Variants in FAM163A observed in about 807,000 individuals in gnomAD.
FAM163A encodes the protein family with sequence similarity 163 member A.
FAM163A carries 7 observed loss-of-function variants against 12.0 expected under a neutral mutation model. The observed-to-expected ratio is 0.58, with a 90% CI of 0.33 to 1.10. The LOEUF (loss-of-function observed/expected upper bound fraction) is 1.10, where lower values mean the gene tolerates loss of function less well. FAM163A is among the 50% of genes least tolerant of loss of function. FAM163A has a pLI of 0.03. For missense variants in FAM163A, 202 were observed against 218.6 expected (o/e 0.92, Z 0.48); for synonymous variants, 101 against 91.0 (o/e 1.11, Z -0.62).
upstream of FAM163A, among the ~76,000 whole-genome samples, chr1:179,738,406 C>T (rs1683242711): frequency 6.6e-6 from 1 of 151,954 alleles, no homozygotes. Context: ...ATAATAAAAG[C>T]AAAAATATCA....
At position 179,814,991 on chromosome 1, in the gene FAM163A, A is replaced by C. The variant is rs560905771; in HGVS notation, c.*802A>C. ...TTTGTTAGCCGACTTCTGGTAGCTTAGCAAAGAGACCAGCTGACTGTCTCT... is the reference window on the plus strand; with the variant it reads ...TTTGTTAGCCGACTTCTGGTAGCTTCGCAAAGAGACCAGCTGACTGTCTCT... On this transcript the variant is annotated 3_prime_UTR_variant, in exon 5 of 5. Transcript: ENST00000341785. 6.6e-6 allele frequency: 1 copy of C among 152,162 alleles called. No individual in the cohort carries two copies. 9.4% of individuals were successfully genotyped at this position (152,162 alleles called of 1,614,324 possible). A position where few individuals can be genotyped will look rare whatever the true frequency, so the allele number is the denominator to read the frequency against.
chr1:179,757,685 G>C (rs1192957420), intron 1 of FAM163A, among the ~76,000 whole-genome samples: 1 of 152,172 alleles, frequency 6.6e-6, no homozygotes, highest in East Asian at 1.9e-4. Flanking sequence ...GGTGGCACAT[G>C]CCTGTAATCC....
upstream of FAM163A, among the ~76,000 whole-genome samples, chr1:179,738,872 A>C (rs1457071175): frequency 6.6e-6 from 1 of 152,228 alleles, no homozygotes; most frequent in Non-Finnish European, 1.5e-5. Context: ...ACAATTTTGA[A>C]TAGAAGGAAT....
chr1:179,742,986 C>T (rs1205307434), upstream of FAM163A, among the ~76,000 whole-genome samples: 1 of 152,266 alleles, frequency 6.6e-6, no homozygotes, highest in African/African-American at 2.4e-5. Context: ...GATTCTCATG[C>T]TCTCCGAATT....
intron 1 of FAM163A, among the ~76,000 whole-genome samples, chr1:179,795,511 C>T (rs890796421): frequency 1.3e-5 from 2 of 152,242 alleles, no homozygotes; most frequent in Non-Finnish European, 2.9e-5. Flanking sequence ...CTCTCCCACA[C>T]TCCCTTGCTC....
At chr1:179,732,214 C>G in the FAM163A span, among the ~76,000 whole-genome samples, 244 of 152,326 alleles carry the variant, frequency 1.6e-3, no homozygotes, top group Non-Finnish European at 3.0e-3. Flanking sequence ...GAAATTGCTC[C>G]TTTCTCATTT....
intron 1 of FAM163A, among the ~76,000 whole-genome samples, chr1:179,757,451 A>C (rs1686187714): frequency 6.6e-6 from 1 of 152,162 alleles, no homozygotes. Context: ...GGGGGTAGGA[A>C]GCTTAAATCA....
intron 1 of FAM163A, among the ~76,000 whole-genome samples, chr1:179,768,035 T>C (rs764746189): frequency 6.7e-6 from 1 of 149,418 alleles, no homozygotes; most frequent in African/African-American, 2.5e-5. Flanking sequence ...GCCACCACAT[T>C]TTCTACTTTG....
chr1:179,769,727 C>T (rs1030215727), intron 1 of FAM163A, among the ~76,000 whole-genome samples: 2 of 152,216 alleles, frequency 1.3e-5, no homozygotes, highest in East Asian at 1.9e-4. Context: ...TGGAGCAGGC[C>T]GTGCTCTGGG....
intron 1 of FAM163A, among the ~76,000 whole-genome samples, chr1:179,755,174 C>G (rs1032174333): frequency 1.5e-4 from 13 of 84,782 alleles, no homozygotes; most frequent in Admixed American, 1.1e-3. Flanking sequence ...CTAAAGAATT[C>G]TCCCACTCTA....
intron 1 of FAM163A, among the ~76,000 whole-genome samples, chr1:179,760,944 G>A (rs1044261130): frequency 4.6e-5 from 7 of 152,142 alleles, no homozygotes; most frequent in Non-Finnish European, 8.8e-5. Context: ...TCTCTTCTAC[G>A]CCATGTGCCC....
chr1:179,759,776 C>G (rs1686555166), intron 1 of FAM163A, among the ~76,000 whole-genome samples: 1 of 152,134 alleles, frequency 6.6e-6, no homozygotes, highest in Admixed American at 6.5e-5. Flanking sequence ...AAGTGATTCT[C>G]CTGCCTCAGC....
intron 1 of FAM163A, among the ~76,000 whole-genome samples, chr1:179,754,053 C>T (rs1050181328): frequency 3.9e-5 from 6 of 152,240 alleles, no homozygotes; most frequent in African/African-American, 7.2e-5. Context: ...TTCTCCCAGG[C>T]GGGTGATACC....
At chr1:179,801,922 A>G (rs1366664969) in intron 1 of FAM163A, among the ~76,000 whole-genome samples, 1 of 152,196 alleles carries the variant, frequency 6.6e-6, no homozygotes, top group Non-Finnish European at 1.5e-5. Context: ...AAATATACCC[A>G]CAGGATACCT....
upstream of FAM163A, among the ~76,000 whole-genome samples, chr1:179,740,517 T>C (rs1004599834): frequency 3.9e-5 from 6 of 152,098 alleles, no homozygotes; most frequent in Admixed American, 1.3e-4. Flanking sequence ...AAGCTGGTGG[T>C]ACATGCATAC....
intron 1 of FAM163A, among the ~76,000 whole-genome samples, chr1:179,777,298 T>C (rs1009011583): frequency 2.0e-5 from 3 of 152,212 alleles, no homozygotes; most frequent in Admixed American, 2.0e-4. Context: ...TGTCAAAAGC[T>C]CACTGAAGAG....
intron 1 of FAM163A, among the ~76,000 whole-genome samples, chr1:179,791,900 C>T (rs1691559141): frequency 6.6e-6 from 1 of 152,198 alleles, no homozygotes; most frequent in Non-Finnish European, 1.5e-5. Context: ...TCATTCGTCT[C>T]TGCAGTTTTC....
At chr1:179,744,761 T>C (rs576940960) in intron 1 of FAM163A, among the ~76,000 whole-genome samples, 1 of 152,046 alleles carries the variant, frequency 6.6e-6, no homozygotes, top group Admixed American at 6.5e-5. Flanking sequence ...GGCCCCATCC[T>C]GAGATTCCGA....
rs1429797170 is a variant in FAM163A at position 179,815,105 on chromosome 1, G to GCACACACACA, written c.*917_*918insACACACACAC. The GCACACACACA allele has an allele frequency of 1.1e-4, 9 of 85,204 alleles. No individual in the cohort carries two copies. The highest frequency in any genetic ancestry group is 3.0e-4 in the African/African-American group (6 of 20,192). 5.3% of individuals were successfully genotyped at this position (85,204 alleles called of 1,614,324 possible). On this transcript the variant is annotated 3_prime_UTR_variant, in exon 5 of 5. Transcript: ENST00000341785. ...TTCCCAGGTGTACGCACGCGCGCGCGCGCGCACAGACACACACACACACAC... is the reference window on the plus strand; with the variant it reads ...TTCCCAGGTGTACGCACGCGCGCGCGCACACACACACGCGCACAGACACACACACACACAC...
Sources: gnomAD v4.1 joint callset for allele counts (sites outside exome capture counted in the v4.1 genomes callset) on GRCh38, gnomAD v4.1.1 for gene constraint, MANE v1.5 for transcripts, NCBI Gene and HGNC (gene_info 2026-07-23, HGNC 2026-07-21) for gene names.